NRXN1: variants seen among roughly 807,000 people sequenced by gnomAD.
The protein encoded by NRXN1 is neurexin 1, also known as neurexin-1.
A neutral mutation model predicts 150.9 loss-of-function variants in NRXN1; 39 were observed. That is an observed-to-expected ratio of 0.26 (90% CI 0.20 to 0.34). NRXN1 has a LOEUF of 0.34. NRXN1 is among the 10% of genes least tolerant of loss of function. The pLI, the probability that NRXN1 is intolerant of heterozygous loss-of-function variation, is 1.00. For missense variants in NRXN1, 1,815 were observed against 1,949.9 expected, an observed-to-expected ratio of 0.93 and a Z score of 1.30; for synonymous variants, 924 against 757.0, an observed-to-expected ratio of 1.22 and a Z score of -3.62.
At chr2:50,194,256 C>A (rs2061620439) in intron 18 of NRXN1, among the ~76,000 whole-genome samples, 1 of 152,078 alleles carries the variant, frequency 6.6e-6, no homozygotes, top group African/African-American at 2.4e-5. Flanking sequence ...CGTGCCTATA[C>A]TAATCATCAA....
intron 5 of NRXN1, among the ~76,000 whole-genome samples, chr2:50,800,505 C>T (rs1282113563): frequency 6.6e-6 from 1 of 152,132 alleles, no homozygotes; most frequent in African/African-American, 2.4e-5. Flanking sequence ...TACTGCCTAA[C>T]TCAGTGTAGT....
chr2:51,004,025 G>GT (rs1239925825), intron 2 of NRXN1, among the ~76,000 whole-genome samples: 2 of 151,332 alleles, frequency 1.3e-5, no homozygotes, highest in Non-Finnish European at 2.9e-5. Flanking sequence ...CTCACTTCCT[G>GT]TTTTTTGTTA....
chr2:50,903,511 G>A (rs374054787), intron 5 of NRXN1, among the ~76,000 whole-genome samples: 11 of 151,840 alleles, frequency 7.2e-5, no homozygotes, highest in East Asian at 5.8e-4. Flanking sequence ...TTTTGTTTTG[G>A]TTTTTGTTTT....
At chr2:50,372,343 C>T (rs1451935858) in intron 17 of NRXN1, among the ~76,000 whole-genome samples, 1 of 152,028 alleles carries the variant, frequency 6.6e-6, no homozygotes, top group African/African-American at 2.4e-5. Context: ...CTGGGAAGAT[C>T]AGAGCCTAAT....
chr2:50,280,610 C>T (rs2071296567), intron 17 of NRXN1, among the ~76,000 whole-genome samples: 1 of 152,140 alleles, frequency 6.6e-6, no homozygotes, highest in African/African-American at 2.4e-5. Flanking sequence ...ACCTTAAAAA[C>T]GCTTTGAGGA....
intron 5 of NRXN1, among the ~76,000 whole-genome samples, chr2:50,832,429 A>G (rs774431559): frequency 3.9e-5 from 6 of 152,096 alleles, no homozygotes; most frequent in Admixed American, 2.0e-4. Context: ...CGGTGGGCCG[A>G]TCACCTGTGG....
At chr2:50,568,960 C>T (rs1670256516) in intron 8 of NRXN1, among the ~76,000 whole-genome samples, 1 of 151,884 alleles carries the variant, frequency 6.6e-6, no homozygotes, top group Non-Finnish European at 1.5e-5. Context: ...ATTATTTATC[C>T]ATAAAAAAGA....
At chr2:50,226,730 C>T (rs2064418250) in intron 18 of NRXN1, among the ~76,000 whole-genome samples, 1 of 151,960 alleles carries the variant, frequency 6.6e-6, no homozygotes, top group Admixed American at 6.6e-5. Context: ...AGATACCAAT[C>T]TATAAATAGG....
chr2:50,652,005 T>A (rs1685712615), intron 5 of NRXN1, among the ~76,000 whole-genome samples: 1 of 152,006 alleles, frequency 6.6e-6, no homozygotes. Flanking sequence ...CCCAGAGTAA[T>A]GGAGCATTTT....
At chr2:50,377,528 C>CT (rs1174688917) in intron 17 of NRXN1, among the ~76,000 whole-genome samples, 4 of 152,068 alleles carry the variant, frequency 2.6e-5, no homozygotes, top group African/African-American at 9.7e-5. Flanking sequence ...GATTCCATGT[C>CT]TTTTTTATTA....
At chr2:50,148,462 AAAAC>A (rs543409417) in intron 18 of NRXN1, among the ~76,000 whole-genome samples, 56 of 151,828 alleles carry the variant, frequency 3.7e-4, no homozygotes, top group African/African-American at 1.2e-3. Flanking sequence ...AGGGCAAAAA[AAAAC>A]AAAGTCTAAT....
At chr2:50,496,320 T>C (rs2091617170) in intron 14 of NRXN1, among the ~76,000 whole-genome samples, 1 of 152,200 alleles carries the variant, frequency 6.6e-6, no homozygotes, top group Non-Finnish European at 1.5e-5. Context: ...GTGAAAATTA[T>C]TTTTAAAATC....
chr2:50,118,038 C>A (rs913995781), intron 18 of NRXN1, among the ~76,000 whole-genome samples: 1 of 152,146 alleles, frequency 6.6e-6, no homozygotes, highest in Admixed American at 6.5e-5. Flanking sequence ...ATGTCCTCTT[C>A]AAGATGAATG....
intron 5 of NRXN1, among the ~76,000 whole-genome samples, chr2:50,874,964 T>C (rs938343573): frequency 6.6e-6 from 1 of 151,972 alleles, no homozygotes; most frequent in East Asian, 1.9e-4. Context: ...TTACAAAGTA[T>C]GTAAAAAAGC....
chr2:50,873,020 T>C (rs1278486871), intron 5 of NRXN1, among the ~76,000 whole-genome samples: 1 of 151,530 alleles, frequency 6.6e-6, no homozygotes, highest in Non-Finnish European at 1.5e-5. Context: ...AAATATAATT[T>C]CCCACTCCCC....
chr2:50,664,301 A>T (rs1687703707), intron 5 of NRXN1, among the ~76,000 whole-genome samples: 3 of 151,894 alleles, frequency 2.0e-5, no homozygotes, highest in Admixed American at 2.0e-4. Context: ...CTTCAAAGAA[A>T]CTTGGCTAAG....
At chr2:50,241,644 A>G (rs2066008063) in intron 17 of NRXN1, among the ~76,000 whole-genome samples, 1 of 151,862 alleles carries the variant, frequency 6.6e-6, no homozygotes, top group Non-Finnish European at 1.5e-5. Context: ...CAATGTCAAC[A>G]TACTTTACAC....
At chr2:50,420,815 G>C (rs534253411) in intron 17 of NRXN1, among the ~76,000 whole-genome samples, 13 of 152,026 alleles carry the variant, frequency 8.6e-5, no homozygotes, top group Non-Finnish European at 1.6e-4. Context: ...AATCCTATTA[G>C]GGTAATCATA....
intron 18 of NRXN1, among the ~76,000 whole-genome samples, chr2:50,169,860 G>A (rs746533631): frequency 1.3e-5 from 2 of 151,910 alleles, no homozygotes; most frequent in Non-Finnish European, 2.9e-5. Flanking sequence ...ATTGTGTGTT[G>A]GGCAGTTTGG....
Sources: allele counts gnomAD v4.1 joint callset (sites outside exome capture counted in the v4.1 genomes callset), GRCh38; gene constraint gnomAD v4.1.1; transcripts MANE v1.5; gene names NCBI Gene and HGNC (gene_info 2026-07-23, HGNC 2026-07-21).